The following ARL8B variants were observed in gnomAD, a reference collection of about 807,000 sequenced individuals.
The protein encoded by ARL8B is ARF like GTPase 8B, also known as ADP-ribosylation factor-like protein 8B.
Under a neutral mutation model 30.6 loss-of-function variants are expected in ARL8B, and 9 were observed. That is an observed-to-expected ratio of 0.29 (90% CI 0.18 to 0.51). The LOEUF is 0.51. ARL8B is among the 20% of genes least tolerant of loss of function. The probability of loss-of-function intolerance (pLI) is 0.97; values close to 1 mark genes in which losing one functional copy is unlikely to be tolerated. For missense variants in ARL8B, 130 were observed against 227.2 expected (o/e 0.57, Z 2.75); for synonymous variants, 74 against 76.0 (o/e 0.97, Z 0.14).
chr3:5,166,814 T>C (rs928782801), intron 1 of ARL8B, among the ~76,000 whole-genome samples: 3 of 152,236 alleles, frequency 2.0e-5, no homozygotes, highest in African/African-American at 4.8e-5. Flanking sequence ...AGTGGAGTGT[T>C]GGCACTGATA....
chr3:5,142,595 C>T (rs1445289935), intron 1 of ARL8B, among the ~76,000 whole-genome samples: 4 of 152,156 alleles, frequency 2.6e-5, no homozygotes, highest in South Asian at 2.1e-4. Flanking sequence ...TTGACCCAGG[C>T]GTTTACATCC....
intron 1 of ARL8B, among the ~76,000 whole-genome samples, chr3:5,147,472 C>G (rs1170030790): frequency 1.3e-5 from 2 of 152,118 alleles, no homozygotes; most frequent in African/African-American, 2.4e-5. Flanking sequence ...TCAGGACATT[C>G]TCTTAAAATG....
chr3:5,178,290 T>C (rs1413574134), intron 6 of ARL8B, among the ~76,000 whole-genome samples: 1 of 152,102 alleles, frequency 6.6e-6, no homozygotes, highest in Non-Finnish European at 1.5e-5. Flanking sequence ...CCCCGGGAAT[T>C]ACTGCATCTT....
At chr3:5,136,101 A>G (rs1021986328) in intron 1 of ARL8B, among the ~76,000 whole-genome samples, 1 of 148,052 alleles carries the variant, frequency 6.8e-6, no homozygotes, top group African/African-American at 2.5e-5. Context: ...TATTATTATT[A>G]TTTTTATTAT....
intron 6 of ARL8B, among the ~76,000 whole-genome samples, 182 bp from the exon 7 acceptor site, chr3:5,178,481 AG>A (rs2054750112): frequency 6.6e-6 from 1 of 151,864 alleles, no homozygotes; most frequent in African/African-American, 2.4e-5. Context: ...AAAACGCTTC[AG>A]TCTCTGATAA....
intron 2 of ARL8B, 32 bp from the exon 3 acceptor site, chr3:5,172,117 CT>C: frequency 6.4e-7 from 1 of 1,558,180 alleles, no homozygotes; most frequent in East Asian, 2.2e-5. Context: ...ATTAAAATAT[CT>C]TTATTAAGAA....
intron 1 of ARL8B, among the ~76,000 whole-genome samples, chr3:5,138,017 G>A (rs191928530): frequency 9.5e-5 from 14 of 147,710 alleles, no homozygotes; most frequent in African/African-American, 3.2e-4. Context: ...GGTTTTTGTT[G>A]TTGTTGTTGG....
intron 6 of ARL8B, 48 bp from the exon 7 acceptor site, chr3:5,178,616 G>A (rs1477162191): frequency 1.3e-6 from 2 of 1,561,732 alleles, no homozygotes; most frequent in East Asian, 2.3e-5. Flanking sequence ...TCTGTTTGAT[G>A]TTTAGTTTTT....
intron 1 of ARL8B, among the ~76,000 whole-genome samples, chr3:5,130,206 T>G (rs1225149790): frequency 6.8e-6 from 1 of 146,506 alleles, no homozygotes. Context: ...TTTTTTTTTG[T>G]AGAGACTTCA....
chr3:5,134,682 G>A (rs1013481057), intron 1 of ARL8B, among the ~76,000 whole-genome samples: 4 of 152,186 alleles, frequency 2.6e-5, no homozygotes, highest in Non-Finnish European at 4.4e-5. Flanking sequence ...AAAAGACAAA[G>A]TGTGATCCTT....
intron 1 of ARL8B, among the ~76,000 whole-genome samples, chr3:5,153,540 A>G (rs765973946): frequency 2.0e-5 from 3 of 152,070 alleles, no homozygotes; most frequent in Non-Finnish European, 4.4e-5. Context: ...CCACTCTTGG[A>G]TATGTGTTTA....
intron 6 of ARL8B, 80 bp from the exon 7 acceptor site, chr3:5,178,584 T>G (rs1451913498): frequency 4.3e-6 from 6 of 1,404,260 alleles, no homozygotes; most frequent in Non-Finnish European, 5.9e-6. Flanking sequence ...TGCCTTGAAT[T>G]AGCTGCCTTT....
At chr3:5,166,837 A>T (rs1202986329) in intron 1 of ARL8B, among the ~76,000 whole-genome samples, 1 of 152,224 alleles carries the variant, frequency 6.6e-6, no homozygotes, top group Non-Finnish European at 1.5e-5. Flanking sequence ...ACTTTCTAGG[A>T]CAAGGTCTGC....
chr3:5,145,044 A>AG (rs1374163706), intron 1 of ARL8B, among the ~76,000 whole-genome samples: 1 of 151,994 alleles, frequency 6.6e-6, no homozygotes, highest in African/African-American at 2.4e-5. Context: ...TTCTCACATA[A>AG]GGAGTGTTTA....
intron 1 of ARL8B, among the ~76,000 whole-genome samples, chr3:5,127,573 G>A (rs969567327): frequency 2.0e-5 from 3 of 152,164 alleles, no homozygotes; most frequent in Admixed American, 6.5e-5. Context: ...TGGAAAGTAA[G>A]AGTGGAATAT....
At chr3:5,158,192 C>A (rs1184967445) in intron 1 of ARL8B, among the ~76,000 whole-genome samples, 1 of 152,152 alleles carries the variant, frequency 6.6e-6, no homozygotes, top group East Asian at 1.9e-4. Context: ...CTATGTTGGC[C>A]AGGCTGGTCT....
At chr3:5,170,756 G>A in intron 2 of ARL8B, 173 bp downstream of exon 2, 1 of 527,042 alleles carries the variant, frequency 1.9e-6, no homozygotes, top group Non-Finnish European at 3.3e-6. Flanking sequence ...TTTGGAAACA[G>A]AGTTTTGCTC....
rs1465468669 is a variant in ARL8B, at chr3:5,179,293, T to C, written c.*580T>C. 6.6e-6 allele frequency: 1 copy of C among 152,324 alleles called. No homozygotes were observed. The highest frequency in any genetic ancestry group is 1.5e-5 in the Non-Finnish European group (1 of 68,028). The allele number at this position is 152,324 out of a possible 1,614,324, so 9.4% of individuals were successfully genotyped here. ...GGAATCCAAAATGGTCTGCAGAGAG[T>C]GAGCGGAGGCACCAGATCAATGTTG... is the stretch of plus-strand genomic sequence containing the variant. On this transcript the variant is annotated 3_prime_UTR_variant, in exon 7 of 7. Coordinates refer to ENST00000256496, the MANE Select transcript of ARL8B (RefSeq NM_018184.3).
At chr3:5,122,715 G>A (rs2054192609) in intron 1 of ARL8B, 127 bp downstream of exon 1, 1 of 1,105,820 alleles carries the variant, frequency 9.0e-7, no homozygotes, top group Non-Finnish European at 1.3e-6. Flanking sequence ...TGCGAAGCTG[G>A]GCCTGTCATC....
Sources: allele counts gnomAD v4.1 joint callset (sites outside exome capture counted in the v4.1 genomes callset), GRCh38; gene constraint gnomAD v4.1.1; transcripts MANE v1.5; gene names NCBI Gene and HGNC (gene_info 2026-07-23, HGNC 2026-07-21).